KAZN: variants seen among roughly 807,000 people sequenced by gnomAD.
The protein encoded by KAZN is kazrin, periplakin interacting protein.
KAZN carries 40 observed loss-of-function variants against 87.4 expected under a neutral mutation model. That is an observed-to-expected ratio of 0.46 (90% confidence interval 0.36 to 0.60). The LOEUF is 0.60. Ranked by LOEUF, KAZN falls within the 20% of genes least tolerant of loss-of-function variation. KAZN has a pLI of 0.00. For synonymous variants in KAZN, 466 were observed against 458.3 expected (o/e 1.02, Z -0.22); for missense variants, 898 against 1,073.9 (o/e 0.84, Z 2.29).
At chr1:14,920,420 A>G (rs191041267) in intron 1 of KAZN, among the ~76,000 whole-genome samples, 3 of 151,206 alleles carry the variant, frequency 2.0e-5, no homozygotes, top group Admixed American at 2.0e-4. Context: ...AAGTCACACT[A>G]TGCCTCTGCT....
chr1:14,029,063 T>C (rs923943120), intron 1 of KAZN, among the ~76,000 whole-genome samples: 3 of 149,702 alleles, frequency 2.0e-5, no homozygotes, highest in African/African-American at 7.4e-5. Flanking sequence ...ACTTCCACAA[T>C]GGTTGAACTA....
At chr1:14,035,951 C>G (rs779757622) in intron 1 of KAZN, among the ~76,000 whole-genome samples, 1 of 152,178 alleles carries the variant, frequency 6.6e-6, no homozygotes, top group African/African-American at 2.4e-5. Flanking sequence ...TATCCCTTGG[C>G]AGGCTCAGGC....
At chr1:14,803,163 C>A (rs1646095107) in intron 1 of KAZN, among the ~76,000 whole-genome samples, 1 of 140,396 alleles carries the variant, frequency 7.1e-6, no homozygotes, top group Non-Finnish European at 1.5e-5. Flanking sequence ...GCTAAAGCCT[C>A]CCTTCATCTG....
chr1:14,698,411 C>T (rs913103499), intron 1 of KAZN, among the ~76,000 whole-genome samples: 5 of 152,216 alleles, frequency 3.3e-5, no homozygotes, highest in South Asian at 2.1e-4. Flanking sequence ...ATCTGGCCCT[C>T]GGCCGTGAGC....
At chr1:14,099,594 A>G (rs2101640302) in intron 1 of KAZN, among the ~76,000 whole-genome samples, 1 of 152,234 alleles carries the variant, frequency 6.6e-6, no homozygotes, top group African/African-American at 2.4e-5. Flanking sequence ...AACTGCCTTG[A>G]GAGATATGAA....
chr1:14,592,840 A>T (rs1282096450), intron 2 of KAZN, among the ~76,000 whole-genome samples: 1 of 152,172 alleles, frequency 6.6e-6, no homozygotes, highest in South Asian at 2.1e-4. Flanking sequence ...CCACGTACGG[A>T]TTCCTGGAAT....
chr1:14,297,970 A>C (rs1654255343), intron 2 of KAZN, among the ~76,000 whole-genome samples: 1 of 152,178 alleles, frequency 6.6e-6, no homozygotes, highest in African/African-American at 2.4e-5. Flanking sequence ...TCACGCCTCT[A>C]ATCCCAGCAC....
At chr1:14,605,491 A>G (rs1183377955) in intron 1 of KAZN, among the ~76,000 whole-genome samples, 1 of 152,250 alleles carries the variant, frequency 6.6e-6, no homozygotes, top group African/African-American at 2.4e-5. Flanking sequence ...TTAACAGATA[A>G]CATAAGCAGT....
At chr1:14,499,388 G>C (rs890868238) in intron 2 of KAZN, among the ~76,000 whole-genome samples, 3 of 152,186 alleles carry the variant, frequency 2.0e-5, no homozygotes, top group East Asian at 3.9e-4. Context: ...TAGGGAGAAG[G>C]CTGCCTTGAG....
At chr1:14,706,375 C>G (rs760736348) in intron 1 of KAZN, among the ~76,000 whole-genome samples, 1 of 152,070 alleles carries the variant, frequency 6.6e-6, no homozygotes, top group Non-Finnish European at 1.5e-5. Context: ...GAAACCAGTT[C>G]CTGGTGCCAA....
chr1:14,921,896 G>C (rs1239099993), intron 1 of KAZN, among the ~76,000 whole-genome samples: 1 of 152,182 alleles, frequency 6.6e-6, no homozygotes, highest in Non-Finnish European at 1.5e-5. Flanking sequence ...ATTTTTAGTA[G>C]AGACGGGGTT....
At chr1:15,032,702 A>G (rs1671851728) in intron 2 of KAZN, among the ~76,000 whole-genome samples, 1 of 152,024 alleles carries the variant, frequency 6.6e-6, no homozygotes, top group Non-Finnish European at 1.5e-5. Context: ...TAATCCCAGC[A>G]CTTTGAGAAG....
chr1:14,483,870 TTCTTCCAGTAGTTTTATAGTTTCAGG>T (rs1241434552), intron 2 of KAZN, among the ~76,000 whole-genome samples: 1 of 152,212 alleles, frequency 6.6e-6, no homozygotes, highest in Non-Finnish European at 1.5e-5. Context: ...GCCCTATGTT[TTCTTCCAGTAGTTTTATAGTTTCAGG>T]TCTTACATAA....
At chr1:15,102,012 C>T (rs476859) in intron 11 of KAZN, among the ~76,000 whole-genome samples, 56,562 of 151,954 alleles carry the variant, frequency 0.37, 11,296 homozygotes, top group East Asian at 0.77. Flanking sequence ...TTTCCAACAA[C>T]CCCCTATTGG....
chr1:14,492,424 G>A (rs141788640), intron 2 of KAZN, among the ~76,000 whole-genome samples: 28 of 151,894 alleles, frequency 1.8e-4, no homozygotes, highest in African/African-American at 6.8e-4. Context: ...CACCTGCCCT[G>A]CATAGGATGC....
intron 2 of KAZN, among the ~76,000 whole-genome samples, chr1:14,237,957 G>A (rs193264624): frequency 5.8e-4 from 88 of 152,156 alleles, no homozygotes; most frequent in African/African-American, 1.9e-3. Context: ...ATTAACTTTC[G>A]GCCTTTCTTC....
intron 2 of KAZN, among the ~76,000 whole-genome samples, chr1:14,343,872 C>T (rs1657916954): frequency 6.6e-6 from 1 of 152,172 alleles, no homozygotes; most frequent in African/African-American, 2.4e-5. Flanking sequence ...AAACACATTG[C>T]AACATTTTCA....
intron 1 of KAZN, among the ~76,000 whole-genome samples, chr1:14,850,212 G>A (rs1364719822): frequency 6.6e-6 from 1 of 152,224 alleles, no homozygotes; most frequent in East Asian, 1.9e-4. Flanking sequence ...GGGATTATAG[G>A]CATGAGCCAC....
intron 2 of KAZN, among the ~76,000 whole-genome samples, chr1:14,578,722 G>T (rs1675346110): frequency 6.6e-6 from 1 of 152,126 alleles, no homozygotes; most frequent in African/African-American, 2.4e-5. Context: ...AGTAAATTTG[G>T]TCACACTTAG....
Sources: gnomAD v4.1 joint callset for allele counts (sites outside exome capture counted in the v4.1 genomes callset) on GRCh38, gnomAD v4.1.1 for gene constraint, MANE v1.5 for transcripts, NCBI Gene and HGNC (gene_info 2026-07-23, HGNC 2026-07-21) for gene names.